The following TOX variants were observed in gnomAD, a reference collection of about 807,000 sequenced individuals.
The protein encoded by TOX is thymocyte selection associated high mobility group box, also known as thymocyte selection-associated high mobility group box protein TOX.
TOX carries 11 observed loss-of-function variants against 53.7 expected under a neutral mutation model. The observed-to-expected ratio is 0.20, with a 90% CI of 0.13 to 0.34. The LOEUF is 0.34. Among genes scored for constraint, TOX ranks in the 10% least tolerant of loss-of-function variants. The pLI, the probability that TOX is intolerant of heterozygous loss-of-function variation, is 1.00. For missense variants in TOX, 570 were observed against 664.6 expected, an observed-to-expected ratio of 0.86 and a Z score of 1.56; for synonymous variants, 225 against 245.3, an observed-to-expected ratio of 0.92 and a Z score of 0.77.
At chr8:58,966,727 G>T (rs1438184106) in intron 1 of TOX, among the ~76,000 whole-genome samples, 2 of 152,054 alleles carry the variant, frequency 1.3e-5, no homozygotes, top group Admixed American at 6.6e-5. Flanking sequence ...TCCTAAACCT[G>T]TGGCTCCATG....
intron 3 of TOX, among the ~76,000 whole-genome samples, chr8:58,861,587 T>G (rs1430658572): frequency 1.3e-5 from 2 of 152,188 alleles, no homozygotes; most frequent in East Asian, 3.8e-4. Flanking sequence ...TAGAATACTT[T>G]CAAAGGATTG....
At chr8:58,985,332 G>A (rs7815388) in intron 1 of TOX, among the ~76,000 whole-genome samples, 101,464 of 151,964 alleles carry the variant, frequency 0.67, 35,837 homozygotes, top group Non-Finnish European at 0.78. Context: ...TCTAACACAT[G>A]CTACAACTTG....
In TOX at chr8:59,114,248, C is replaced by G. The variant is rs185095572; in HGVS notation, c.102+4638G>C. Among the ~76,000 whole-genome samples, 501 of 152,250 alleles carry G rather than the reference C, an allele frequency of 3.3e-3. 6 individuals are homozygous for G. The highest frequency in any genetic ancestry group is 0.011 in the African/African-American group (472 of 41,554). On this transcript the variant is annotated intron_variant, in intron 1 of 8. Transcript: ENST00000361421. ...AATTCTCCTTAATATCATTTACTAA[C>G]TTTTAAAATATATGATAAACTGTGA...
chr8:59,116,304 G>C (rs573950345), intron 1 of TOX, among the ~76,000 whole-genome samples: 75 of 152,286 alleles, frequency 4.9e-4, no homozygotes, highest in African/African-American at 1.8e-3. Context: ...GCCTCCGAAG[G>C]AAGCAAGATT....
At chr8:58,998,066 C>A (rs1813595142) in intron 1 of TOX, among the ~76,000 whole-genome samples, 1 of 152,022 alleles carries the variant, frequency 6.6e-6, no homozygotes, top group South Asian at 2.1e-4. Flanking sequence ...GCTTTTTTAA[C>A]CCATTAATAA....
chr8:59,046,897 G>GAAAAGA (rs1803694813), intron 1 of TOX, among the ~76,000 whole-genome samples: 1 of 146,934 alleles, frequency 6.8e-6, no homozygotes, highest in African/African-American at 2.5e-5. Flanking sequence ...AAGAAAAAAG[G>GAAAAGA]AAAAGAAAAA....
intron 1 of TOX, among the ~76,000 whole-genome samples, chr8:59,068,983 C>T (rs1804144482): frequency 6.6e-6 from 1 of 152,138 alleles, no homozygotes; most frequent in African/African-American, 2.4e-5. Context: ...CACAAGTAGG[C>T]TGTGTGAATT....
chr8:58,936,415 C>A (rs1247429536), intron 3 of TOX, among the ~76,000 whole-genome samples: 1 of 152,152 alleles, frequency 6.6e-6, no homozygotes, highest in African/African-American at 2.4e-5. Flanking sequence ...TCTCTAATTG[C>A]CCCATGTTTC....
intron 3 of TOX, among the ~76,000 whole-genome samples, chr8:58,894,158 T>C (rs997506239): frequency 2.4e-4 from 37 of 152,338 alleles, no homozygotes; most frequent in African/African-American, 8.9e-4. Flanking sequence ...CTTAATTCAA[T>C]GTTTTTCTGA....
At chr8:58,906,533 G>A (rs1811817996) in intron 3 of TOX, among the ~76,000 whole-genome samples, 1 of 152,132 alleles carries the variant, frequency 6.6e-6, no homozygotes, top group South Asian at 2.1e-4. Context: ...ATTACAATCT[G>A]TCAAACTGCA....
chr8:58,897,697 G>T (rs1376720421), intron 3 of TOX, among the ~76,000 whole-genome samples: 1 of 115,256 alleles, frequency 8.7e-6, no homozygotes, highest in East Asian at 2.5e-4. Flanking sequence ...TCATTTAAAT[G>T]GAAGTCTTTT....
At chr8:59,049,946 G>A (rs1281666995) in intron 1 of TOX, among the ~76,000 whole-genome samples, 1 of 152,098 alleles carries the variant, frequency 6.6e-6, no homozygotes, top group Admixed American at 6.6e-5. Context: ...TAAAAGCACA[G>A]AAGTATATGT....
Position 58,994,419 on chromosome 8 carries a change from T to TGTGCGC in TOX, c.103-34412_103-34411insGCGCAC, listed in dbSNP as rs527361544. ...GTGTGTGTGTGTGTGTGTGTGTGTG[T>TGTGCGC]GCGCGCGCGCATGTGTGTGTATTTT... is the stretch of plus-strand genomic sequence containing the variant. On this transcript the variant is annotated intron_variant, in intron 1 of 8. Coordinates refer to ENST00000361421, the MANE Select transcript of TOX (RefSeq NM_014729.3). Among the ~76,000 whole-genome samples the TGTGCGC allele has an allele frequency of 4.2e-5, 6 of 141,288 alleles. No individual in the cohort carries two copies. In the East Asian group the frequency reaches 1.4e-3, roughly 33 times the overall value. 92.7% of individuals were successfully genotyped at this position (141,288 alleles called of 152,430 possible).
At chr8:59,014,699 T>G (rs894424430) in intron 1 of TOX, among the ~76,000 whole-genome samples, 1 of 152,242 alleles carries the variant, frequency 6.6e-6, no homozygotes, top group African/African-American at 2.4e-5. Context: ...TACCAAAATG[T>G]CATTCCACTA....
chr8:59,078,329 C>A (rs921124518), intron 1 of TOX, among the ~76,000 whole-genome samples: 1 of 152,154 alleles, frequency 6.6e-6, no homozygotes, highest in Non-Finnish European at 1.5e-5. Flanking sequence ...GAATTGTAAT[C>A]CCCAGTGCTG....
intron 1 of TOX, among the ~76,000 whole-genome samples, chr8:59,081,338 T>C (rs1484483037): frequency 6.6e-6 from 1 of 152,122 alleles, no homozygotes. Context: ...GGGAAGGTGT[T>C]AAAATGAGAG....
chr8:59,088,607 G>A (rs897766791), intron 1 of TOX, among the ~76,000 whole-genome samples: 1 of 152,188 alleles, frequency 6.6e-6, no homozygotes, highest in Non-Finnish European at 1.5e-5. Context: ...CAAGCCCCGG[G>A]TATTAGTCAG....
At position 58,807,381 on chromosome 8, in the gene TOX, T is replaced by C. The variant is rs1809997485; in HGVS notation, c.*366A>G. ...TACATCAAGCCATTTAAAAAGTCTT[T>C]AGTAGTTTCATATAAACACCCATTA... On this transcript the variant is annotated 3_prime_UTR_variant, in exon 9 of 9. Coordinates refer to ENST00000361421, the MANE Select transcript of TOX (RefSeq NM_014729.3). 1 of 211,162 alleles carries C rather than the reference T, an allele frequency of 4.7e-6. No homozygotes were observed. Among genetic ancestry groups the C allele is most frequent in the East Asian group, 1.1e-4 (1 of 9,412 alleles). The allele number at this position is 211,162 out of a possible 1,614,324, so 13.1% of individuals were successfully genotyped here. A position where few individuals can be genotyped will look rare whatever the true frequency, so the allele number is the denominator to read the frequency against.
At chr8:58,815,777 T>G (rs79931905) in intron 6 of TOX, 53 bp from the exon 7 acceptor site, 1 of 1,543,684 alleles carries the variant, frequency 6.5e-7, no homozygotes, top group Admixed American at 1.9e-5. Flanking sequence ...GAGTGTTGAT[T>G]CAAGGTATGA....
Sources: gnomAD v4.1 joint callset for allele counts (sites outside exome capture counted in the v4.1 genomes callset) on GRCh38, gnomAD v4.1.1 for gene constraint, MANE v1.5 for transcripts, NCBI Gene and HGNC (gene_info 2026-07-23, HGNC 2026-07-21) for gene names.